RAD54L: variants seen among roughly 807,000 people sequenced by gnomAD.
RAD54L encodes the protein DNA repair and recombination protein RAD54-like.
A neutral mutation model predicts 91.6 loss-of-function variants in RAD54L; 74 were observed. The observed-to-expected ratio is 0.81, with a 90% CI of 0.67 to 0.98. RAD54L has a LOEUF of 0.98. Ranked by LOEUF, RAD54L falls within the 50% of genes least tolerant of loss-of-function variation. RAD54L has a pLI of 0.00. For missense variants in RAD54L, 887 were observed against 945.7 expected (o/e 0.94, Z 0.81); for synonymous variants, 304 against 349.7 (o/e 0.87, Z 1.46).
In RAD54L at chr1:46,248,497, G is replaced by T. The variant is rs143479137; in HGVS notation, c.4-15G>T. 32 of 1,614,106 alleles carry T rather than the reference G, an allele frequency of 2.0e-5. No individual in the cohort carries two copies. Among genetic ancestry groups the T allele is most frequent in the Non-Finnish European group, 2.5e-5 (30 of 1,179,996 alleles). ...CAGGATCCTTGCAGGCACTGTTTCT[G>T]TTCTCCCTTTACAGAGGAGGAGCTT... On this transcript the variant is annotated splice_polypyrimidine_tract_variant and intron_variant, in intron 1 of 17. Coordinates refer to ENST00000371975, the MANE Select transcript of RAD54L (RefSeq NM_003579.4).
intron 9 of RAD54L, among the ~76,000 whole-genome samples, chr1:46,269,226 C>G (rs930921076): frequency 2.0e-5 from 3 of 151,902 alleles, no homozygotes; most frequent in African/African-American, 7.2e-5. Flanking sequence ...GTCCGTTTGT[C>G]TCCTTGTGTC....
chr1:46,268,638 T>C (rs770244180), intron 9 of RAD54L, among the ~76,000 whole-genome samples: 6 of 152,272 alleles, frequency 3.9e-5, no homozygotes, highest in South Asian at 4.1e-4. Context: ...ATATAGTATG[T>C]ATTCCTTTAC....
At chr1:46,252,416 T>C (rs1659826591) in intron 3 of RAD54L, among the ~76,000 whole-genome samples, 1 of 152,084 alleles carries the variant, frequency 6.6e-6, no homozygotes, top group Non-Finnish European at 1.5e-5. Context: ...AGAAAGCTAT[T>C]GCAGGTGGCC....
intron 10 of RAD54L, among the ~76,000 whole-genome samples, chr1:46,271,059 T>C (rs1660412656): frequency 6.6e-6 from 1 of 152,236 alleles, no homozygotes; most frequent in African/African-American, 2.4e-5. Context: ...GAGCAAAGTA[T>C]ACCTTGGAGC....
intron 9 of RAD54L, among the ~76,000 whole-genome samples, chr1:46,268,347 A>G (rs1660324499): frequency 6.6e-6 from 1 of 152,044 alleles, no homozygotes; most frequent in Non-Finnish European, 1.5e-5. Context: ...AAAACTCCTC[A>G]TTCCTCCCTC....
At position 46,267,438 on chromosome 1, in the gene RAD54L, T is replaced by G. The variant is rs184907804; in HGVS notation, c.892-21T>G. 2.5e-6 allele frequency: 4 copies of G among 1,613,634 alleles called. No homozygotes were observed. The South Asian group carries it at 4.4e-5, about 18-fold the overall frequency. ...GTATAGGGAATGCCACATTGCGCTC[T>G]GAATAAGGATTCTCTTGCAGGGACA... On this transcript the variant is annotated intron_variant, in intron 8 of 17. Coordinates refer to ENST00000371975, the MANE Select transcript of RAD54L (RefSeq NM_003579.4).
At chr1:46,254,464 A>G (rs1659886809) in intron 3 of RAD54L, among the ~76,000 whole-genome samples, 1 of 151,912 alleles carries the variant, frequency 6.6e-6, no homozygotes, top group Non-Finnish European at 1.5e-5. Context: ...GGAGTAAGGT[A>G]TAACTAGAAA....
chr1:46,272,267 T>C (rs1660453537), intron 10 of RAD54L, among the ~76,000 whole-genome samples, 199 bp from the exon 11 acceptor site: 1 of 152,004 alleles, frequency 6.6e-6, no homozygotes, highest in African/African-American at 2.4e-5. Context: ...GGTCTTGAAC[T>C]CCTGACCACA....
At chr1:46,251,074 C>T (rs1247125731) in intron 3 of RAD54L, among the ~76,000 whole-genome samples, 3 of 150,626 alleles carry the variant, frequency 2.0e-5, no homozygotes, top group South Asian at 2.1e-4. Flanking sequence ...TTTGGGAGGC[C>T]GAGGTGGATG....
chr1:46,264,545 G>T (rs1021526962), intron 8 of RAD54L, among the ~76,000 whole-genome samples: 2 of 152,242 alleles, frequency 1.3e-5, no homozygotes, highest in African/African-American at 4.8e-5. Context: ...TTCTTCATCT[G>T]TAGAGTGGAT....
At chr1:46,274,052 G>A (rs759906426) in intron 14 of RAD54L, 86 bp from the exon 15 acceptor site, 231 of 1,329,572 alleles carry the variant, frequency 1.7e-4, no homozygotes, top group Non-Finnish European at 2.4e-4. Context: ...GCTTTCTTGG[G>A]TCTTTTTAAA....
chr1:46,265,360 G>A lies in RAD54L; in HGVS notation c.892-2099G>A, dbSNP rs1203674110. Among the ~76,000 whole-genome samples, 1 of 152,072 alleles carries A rather than the reference G, an allele frequency of 6.6e-6. No homozygotes were observed. The highest frequency in any genetic ancestry group is 1.5e-5 in the Non-Finnish European group (1 of 68,016). On this transcript the variant is annotated intron_variant, in intron 8 of 17. Coordinates refer to ENST00000371975, the MANE Select transcript of RAD54L (RefSeq NM_003579.4). The surrounding 1 kb of genome is among the most constrained non-coding windows in gnomAD (Gnocchi z 4.8). ...TAGCCCGGCATAGTAACACATGCCT[G>A]TAATACCAGCAACTCAGGAAGCTGA...
At chr1:46,255,483 T>C (rs11211262) in intron 3 of RAD54L, among the ~76,000 whole-genome samples, 76,488 of 146,338 alleles carry the variant, frequency 0.52, 21,237 homozygotes, top group Non-Finnish European at 0.62. Context: ...CCCTGAAGGT[T>C]GGCCATTCCT....
At chr1:46,258,547 A>G in intron 3 of RAD54L, 139 bp from the exon 4 acceptor site, 1 of 722,528 alleles carries the variant, frequency 1.4e-6, no homozygotes, top group Non-Finnish European at 2.5e-6. Flanking sequence ...CCCTTCTGCT[A>G]TCCCTGGATA....
intron 3 of RAD54L, among the ~76,000 whole-genome samples, chr1:46,254,451 T>G (rs111685152): frequency 0.033 from 4,968 of 152,062 alleles, 128 homozygotes; most frequent in Non-Finnish European, 0.05. Flanking sequence ...TAAATGTGGA[T>G]GTGGAGTAAG....
At chr1:46,254,285 T>C (rs1455146918) in intron 3 of RAD54L, among the ~76,000 whole-genome samples, 1 of 151,254 alleles carries the variant, frequency 6.6e-6, no homozygotes, top group Non-Finnish European at 1.5e-5. Flanking sequence ...TCTTTTTTTT[T>C]CTTTTTTTTT....
chr1:46,248,895 A>G (rs1659726588), intron 2 of RAD54L, among the ~76,000 whole-genome samples: 1 of 152,210 alleles, frequency 6.6e-6, no homozygotes, highest in Non-Finnish European at 1.5e-5. Context: ...CACAACAGCA[A>G]TTAGCAGCTG....
chr1:46,270,683 A>AT lies in RAD54L; in HGVS notation c.1071dup (p.Glu358Ter). 4 of 1,614,176 alleles carry AT rather than the reference A, an allele frequency of 2.5e-6. No homozygotes were observed. Among genetic ancestry groups the AT allele is most frequent in the Non-Finnish European group, 3.4e-6 (4 of 1,180,014 alleles). On this transcript the variant is annotated frameshift_variant, in exon 10 of 18. Transcript: ENST00000371975. LOFTEE classifies it high-confidence loss of function. Reference sequence around the variant, plus strand: ...GGGACTGCCCATGAATTCAAGAAGCATTTTGAATTGCCAATTTTGAAGGGT... The same window carrying AT: ...GGGACTGCCCATGAATTCAAGAAGCATTTTTGAATTGCCAATTTTGAAGGGT...
chr1:46,266,124 GA>G (rs1041535734), intron 8 of RAD54L, among the ~76,000 whole-genome samples: 5 of 152,180 alleles, frequency 3.3e-5, no homozygotes, highest in African/African-American at 1.2e-4. Flanking sequence ...CTTGCCTGTG[GA>G]AAAGAGCTCT....
Sources: allele counts gnomAD v4.1 joint callset (sites outside exome capture counted in the v4.1 genomes callset), GRCh38; gene constraint gnomAD v4.1.1; non-coding constraint Gnocchi (gnomAD v3.1); transcripts MANE v1.5; gene names NCBI Gene and HGNC (gene_info 2026-07-23, HGNC 2026-07-21).